The following GALNT17 variants were observed in gnomAD, a reference collection of about 807,000 sequenced individuals.
The protein encoded by GALNT17 is UDP-GalNAc:polypeptide N-acetylgalactosaminyltransferase-like 3.
A neutral mutation model predicts 63.7 loss-of-function variants in GALNT17; 29 were observed. The ratio of observed to expected loss-of-function variants is 0.46; its 90% CI spans 0.34 to 0.62. The LOEUF (loss-of-function observed/expected upper bound fraction) is 0.62, where lower values mean the gene tolerates loss of function less well. Ranked by LOEUF, GALNT17 falls within the 20% of genes least tolerant of loss-of-function variation. The probability of loss-of-function intolerance (pLI) is 0.01; values close to 1 mark genes in which losing one functional copy is unlikely to be tolerated. For missense variants in GALNT17, 603 were observed against 799.6 expected, an observed-to-expected ratio of 0.75 and a Z score of 2.97; for synonymous variants, 305 against 318.3, an observed-to-expected ratio of 0.96 and a Z score of 0.45.
chr7:71,709,055 C>A (rs1220320261), intron 9 of GALNT17, among the ~76,000 whole-genome samples: 2 of 152,160 alleles, frequency 1.3e-5, no homozygotes, highest in African/African-American at 4.8e-5. Flanking sequence ...AGAATGATGT[C>A]TTTTCCTTTG....
chr7:71,162,147 T>TCCCTC (rs1788360099), intron 1 of GALNT17, among the ~76,000 whole-genome samples: 1 of 139,334 alleles, frequency 7.2e-6, no homozygotes, highest in African/African-American at 2.7e-5. Flanking sequence ...CTTCCTTCCT[T>TCCCTC]CCTTCCTTCC....
At chr7:71,246,120 T>G (rs1790090992) in intron 1 of GALNT17, among the ~76,000 whole-genome samples, 1 of 135,950 alleles carries the variant, frequency 7.4e-6, no homozygotes, top group Non-Finnish European at 1.6e-5. Context: ...TCGTTGTTTT[T>G]TTTTTTTTTT....
At chr7:71,351,140 TCAAA>T (rs35992037) in intron 2 of GALNT17, among the ~76,000 whole-genome samples, 63,515 of 151,156 alleles carry the variant, frequency 0.42, 14,830 homozygotes, top group East Asian at 0.77. Context: ...AAACTGCATC[TCAAA>T]CAAACAAACA....
chr7:71,219,271 T>A (rs1214695794), intron 1 of GALNT17, among the ~76,000 whole-genome samples: 1 of 152,200 alleles, frequency 6.6e-6, no homozygotes, highest in African/African-American at 2.4e-5. Flanking sequence ...GTCTACTGCA[T>A]TGTCATTAAG....
chr7:71,624,716 A>G (rs1790346020), intron 6 of GALNT17, among the ~76,000 whole-genome samples: 1 of 152,234 alleles, frequency 6.6e-6, no homozygotes, highest in Non-Finnish European at 1.5e-5. Context: ...GCATTAAATC[A>G]TTCAAAAGCA....
At chr7:71,175,103 T>C (rs977350475) in intron 1 of GALNT17, among the ~76,000 whole-genome samples, 4 of 152,224 alleles carry the variant, frequency 2.6e-5, no homozygotes, top group African/African-American at 9.6e-5. Context: ...CATCAGTCTG[T>C]CTGTCCGTCC....
intron 1 of GALNT17, among the ~76,000 whole-genome samples, chr7:71,301,521 T>C (rs1181389305): frequency 6.6e-6 from 1 of 151,390 alleles, no homozygotes; most frequent in Non-Finnish European, 1.5e-5. Flanking sequence ...CTTTTGCCAT[T>C]GTGTTGCTGT....
chr7:71,315,090 A>G (rs1231618743), intron 1 of GALNT17, among the ~76,000 whole-genome samples: 3 of 152,178 alleles, frequency 2.0e-5, no homozygotes, highest in South Asian at 2.1e-4. Context: ...GGAGTTACCT[A>G]TTCTGGACAC....
intron 3 of GALNT17, among the ~76,000 whole-genome samples, chr7:71,400,157 C>G (rs964971561): frequency 7.9e-5 from 12 of 152,180 alleles, no homozygotes; most frequent in African/African-American, 2.7e-4. Flanking sequence ...CCTTGTCCCC[C>G]ACCCCCTGAC....
At chr7:71,670,901 T>TGC (rs1554322035) in intron 8 of GALNT17, among the ~76,000 whole-genome samples, 1,856 of 149,666 alleles carry the variant, frequency 0.012, 12 homozygotes, top group Non-Finnish European at 0.02. Flanking sequence ...TGTGTGTGTG[T>TGC]GCGTGTGTGT....
At chr7:71,641,422 G>C (rs557841047) in intron 6 of GALNT17, among the ~76,000 whole-genome samples, 27 of 152,224 alleles carry the variant, frequency 1.8e-4, no homozygotes, top group Non-Finnish European at 3.8e-4. Flanking sequence ...CGTACACTAG[G>C]TAGCTGATAA....
intron 5 of GALNT17, among the ~76,000 whole-genome samples, chr7:71,464,212 AAGGC>A (rs1389385563): frequency 2.0e-5 from 3 of 152,194 alleles, no homozygotes; most frequent in Non-Finnish European, 2.9e-5. Flanking sequence ...ATTCTTGCTA[AAGGC>A]AGGCCAAGGG....
At chr7:71,578,130 G>A (rs1789569123) in intron 6 of GALNT17, among the ~76,000 whole-genome samples, 1 of 151,778 alleles carries the variant, frequency 6.6e-6, no homozygotes, top group South Asian at 2.1e-4. Flanking sequence ...TCTGCCTCCT[G>A]GGTTCCAGCG....
At chr7:71,296,795 G>A (rs1249494583) in intron 1 of GALNT17, among the ~76,000 whole-genome samples, 2 of 151,874 alleles carry the variant, frequency 1.3e-5, no homozygotes, top group Non-Finnish European at 2.9e-5. Flanking sequence ...TATAGCATGT[G>A]TAATATATAG....
At chr7:71,276,256 A>C (rs1041767610) in intron 1 of GALNT17, among the ~76,000 whole-genome samples, 7 of 152,140 alleles carry the variant, frequency 4.6e-5, no homozygotes, top group African/African-American at 1.4e-4. Context: ...GGTCCATAAG[A>C]GTGAGTGTTC....
chr7:71,374,943 G>A (rs1321500508), intron 2 of GALNT17, among the ~76,000 whole-genome samples: 7 of 149,662 alleles, frequency 4.7e-5, no homozygotes, highest in African/African-American at 1.7e-4. Context: ...GGGTTAAAGC[G>A]ATTCTCATGC....
At chr7:71,709,920 G>T (rs73191062) in intron 9 of GALNT17, among the ~76,000 whole-genome samples, 11,871 of 152,104 alleles carry the variant, frequency 0.078, 670 homozygotes, top group East Asian at 0.26. Flanking sequence ...GTAAAATGTG[G>T]TATCTTATTA....
chr7:71,291,274 G>GT (rs1790975388), intron 1 of GALNT17, among the ~76,000 whole-genome samples: 1 of 152,138 alleles, frequency 6.6e-6, no homozygotes, highest in South Asian at 2.1e-4. Flanking sequence ...GGTGGACTCG[G>GT]TTTTGTTCTG....
intron 1 of GALNT17, among the ~76,000 whole-genome samples, chr7:71,197,369 T>G (rs1348564682): frequency 6.7e-6 from 1 of 149,260 alleles, no homozygotes; most frequent in Non-Finnish European, 1.5e-5. Context: ...CCGGCTAATT[T>G]TTTTTTTTTT....
Sources: allele counts gnomAD v4.1 joint callset (sites outside exome capture counted in the v4.1 genomes callset), GRCh38; gene constraint gnomAD v4.1.1; transcripts MANE v1.5; gene names NCBI Gene and HGNC (gene_info 2026-07-23, HGNC 2026-07-21).